The following CACNB2 variants were observed in gnomAD, a reference collection of about 807,000 sequenced individuals.
The protein encoded by CACNB2 is voltage-dependent L-type calcium channel subunit beta-2.
Under a neutral mutation model 73.3 loss-of-function variants are expected in CACNB2, and 42 were observed. That is an observed-to-expected ratio of 0.57 (90% CI 0.45 to 0.74). The LOEUF is 0.74. Among genes scored for constraint, CACNB2 ranks in the 30% least tolerant of loss-of-function variants. CACNB2 has a pLI of 0.00. For synonymous variants in CACNB2, 348 were observed against 310.3 expected (o/e 1.12, Z -1.28); for missense variants, 940 against 853.0 (o/e 1.10, Z -1.27).
At chr10:18,259,627 A>T (rs1588871991) in intron 2 of CACNB2, among the ~76,000 whole-genome samples, 2 of 149,070 alleles carry the variant, frequency 1.3e-5, no homozygotes, top group Admixed American at 1.3e-4. Context: ...GCTACTCAGG[A>T]GTCTGAGGCA....
At chr10:18,190,792 G>T (rs1034135100) in intron 2 of CACNB2, among the ~76,000 whole-genome samples, 10 of 152,190 alleles carry the variant, frequency 6.6e-5, no homozygotes, top group African/African-American at 2.4e-4. Flanking sequence ...ATTTCAAGCA[G>T]CATGAAGAGT....
At chr10:18,225,480 C>A (rs535770534) in intron 2 of CACNB2, among the ~76,000 whole-genome samples, 1 of 152,166 alleles carries the variant, frequency 6.6e-6, no homozygotes, top group Non-Finnish European at 1.5e-5. Context: ...ACACCACAGG[C>A]AGGCTCTGTG....
At chr10:18,392,039 T>G (rs2043500937) in intron 2 of CACNB2, among the ~76,000 whole-genome samples, 3 of 151,146 alleles carry the variant, frequency 2.0e-5, no homozygotes, top group Non-Finnish European at 4.4e-5. Flanking sequence ...TGAAATAGGA[T>G]GGTTGCAGAA....
Position 18,540,949 on chromosome 10 carries a change from C to T in CACNB2, c.*1225C>T, listed in dbSNP as rs1021831271. The T allele has an allele frequency of 6.6e-6, 1 of 152,608 alleles. No individual in the cohort carries two copies. The highest frequency in any genetic ancestry group is 2.4e-5 in the African/African-American group (1 of 41,432). The allele number at this position is 152,608 out of a possible 1,614,324, so 9.5% of individuals were successfully genotyped here. ...TAGGAAAGCATTCATCTGCTGCCTC[C>T]TTGTTTTTGCTCCTAGAGAGTGAAA... On this transcript the variant is annotated 3_prime_UTR_variant, in exon 14 of 14. Transcript: ENST00000324631.
At chr10:18,220,259 A>ATT in intron 2 of CACNB2, among the ~76,000 whole-genome samples, 1 of 125,982 alleles carries the variant, frequency 7.9e-6, no homozygotes, top group East Asian at 2.2e-4. Flanking sequence ...AGAGAGAGAG[A>ATT]GAGAGAGAGA....
Position 18,150,971 on chromosome 10 carries a change from G to A in CACNB2, c.209G>A (p.Arg70His), listed in dbSNP as rs150722502. 9.7e-4 allele frequency: 1,526 copies of A among 1,568,760 alleles called. 1 individual carries two copies. The highest frequency in any genetic ancestry group is 1.2e-3 in the Non-Finnish European group (1,400 of 1,150,886). Residue 70 changes from arginine (R) to histidine (H), a missense_variant, in exon 2 of 14, where the codon CGC becomes CAC. Physicochemically the swap from Arg to His is conservative, Grantham distance 29. Transcript: ENST00000324631. ...GATACTACCTCAAATAGTTTTGTTC[G>A]CCAGGTAAGAGTTTTAAGTTCATGG... is the stretch of plus-strand genomic sequence containing the variant. ...SSDTTSNSFV[R>H]QGSADSYTSR...
At chr10:18,373,548 A>C (rs1431037922) in intron 2 of CACNB2, among the ~76,000 whole-genome samples, 1 of 152,236 alleles carries the variant, frequency 6.6e-6, no homozygotes, top group Non-Finnish European at 1.5e-5. Context: ...CCAAGATCAC[A>C]TAGTTCATAA....
chr10:18,174,847 T>A (rs2033486236), intron 2 of CACNB2, among the ~76,000 whole-genome samples: 1 of 152,120 alleles, frequency 6.6e-6, no homozygotes, highest in South Asian at 2.1e-4. Context: ...TTTACAGTTT[T>A]CCCTCAACTA....
intron 2 of CACNB2, among the ~76,000 whole-genome samples, chr10:18,297,124 C>A (rs935145879): frequency 3.3e-5 from 5 of 152,332 alleles, no homozygotes; most frequent in African/African-American, 1.2e-4. Flanking sequence ...CTTGTATCTA[C>A]TAGACACCAT....
chr10:18,336,767 C>T (rs1176771427), intron 2 of CACNB2, among the ~76,000 whole-genome samples: 2 of 152,172 alleles, frequency 1.3e-5, no homozygotes, highest in Non-Finnish European at 2.9e-5. Context: ...TCTATCCTCA[C>T]AGAGATAAAA....
At chr10:18,495,786 G>T (rs962801700) in intron 3 of CACNB2, among the ~76,000 whole-genome samples, 1 of 151,814 alleles carries the variant, frequency 6.6e-6, no homozygotes, top group Non-Finnish European at 1.5e-5. Flanking sequence ...AATATGTTAT[G>T]ATTGTAGCTC....
intron 2 of CACNB2, among the ~76,000 whole-genome samples, chr10:18,228,810 G>A (rs190191410): frequency 6.6e-6 from 1 of 152,218 alleles, no homozygotes; most frequent in East Asian, 1.9e-4. Context: ...TGCGATCCCA[G>A]CTCGCTGCAG....
chr10:18,434,718 C>T (rs1043419655), intron 3 of CACNB2, among the ~76,000 whole-genome samples: 9 of 152,072 alleles, frequency 5.9e-5, no homozygotes, highest in Admixed American at 2.6e-4. Context: ...AATTATTGAA[C>T]ACCTCAGTGA....
At chr10:18,376,583 G>A (rs910028805) in intron 2 of CACNB2, among the ~76,000 whole-genome samples, 4 of 152,190 alleles carry the variant, frequency 2.6e-5, no homozygotes, top group East Asian at 3.9e-4. Flanking sequence ...TTGGTCAGGA[G>A]CACTTTCTCT....
At position 18,515,594 on chromosome 10, in the gene CACNB2, T is replaced by A. The variant is rs75251137; in HGVS notation, c.804+1225T>A. ...TTGGCTTTTTTTGAATCAATTATGA[T>A]TATTTTAATAAGGGAAAACTTCAGC... On this transcript the variant is annotated intron_variant, in intron 7 of 13. Transcript: ENST00000324631. 6.7e-3 allele frequency among the ~76,000 whole-genome samples: 1,015 copies of A among 152,340 alleles called. 23 individuals carry two copies. Among genetic ancestry groups the A allele is most frequent in the East Asian group, 0.048 (249 of 5,176 alleles).
intron 2 of CACNB2, chr10:18,340,755 T>C: frequency 6.6e-7 from 1 of 1,520,458 alleles, no homozygotes; most frequent in Non-Finnish European, 8.7e-7. Context: ...CGACGAACTT[T>C]AGAAAGTCAC....
At chr10:18,506,605 T>G in intron 6 of CACNB2, 58 bp downstream of exon 6, 1 of 1,112,916 alleles carries the variant, frequency 9.0e-7, no homozygotes. Flanking sequence ...TCCCCAGCTC[T>G]ATCCAGTTTT....
chr10:18,442,740 C>T (rs1263270371), intron 3 of CACNB2, among the ~76,000 whole-genome samples: 1 of 150,260 alleles, frequency 6.7e-6, no homozygotes, highest in Non-Finnish European at 1.5e-5. Context: ...CAGGAGAATT[C>T]CTGGAACCAG....
At chr10:18,228,347 C>T (rs912204968) in intron 2 of CACNB2, among the ~76,000 whole-genome samples, 6 of 137,100 alleles carry the variant, frequency 4.4e-5, no homozygotes, top group Admixed American at 1.7e-4. Flanking sequence ...GGAGAACAAT[C>T]GCTTGAACTT....
Sources: gnomAD v4.1 joint callset for allele counts (sites outside exome capture counted in the v4.1 genomes callset) on GRCh38, gnomAD v4.1.1 for gene constraint, MANE v1.5 for transcripts, NCBI Gene and HGNC (gene_info 2026-07-23, HGNC 2026-07-21) for gene names.